Variants in MRPS35 observed in about 807,000 individuals in gnomAD.
MRPS35 encodes the protein mitochondrial ribosomal protein S35.
In MRPS35, 29 loss-of-function variants were observed where a neutral mutation model predicts 32.7. The observed-to-expected ratio is 0.89, with a 90% CI of 0.66 to 1.21. The LOEUF (loss-of-function observed/expected upper bound fraction) is 1.21. Among genes scored for constraint, MRPS35 ranks in the 50% most tolerant of loss-of-function variants. The pLI is 0.00. For missense variants in MRPS35, 373 were observed against 383.8 expected, an observed-to-expected ratio of 0.97 and a Z score of 0.23; for synonymous variants, 148 against 139.3, an observed-to-expected ratio of 1.06 and a Z score of -0.44.
intron 3 of MRPS35, among the ~76,000 whole-genome samples, chr12:27,718,029 T>C (rs1473924471): frequency 3.3e-5 from 5 of 152,224 alleles, no homozygotes; most frequent in Admixed American, 6.5e-5. Context: ...CTAGGGTTTA[T>C]AATTTTTAAA....
At chr12:27,730,651 T>C (rs752604328) in intron 5 of MRPS35, among the ~76,000 whole-genome samples, 1 of 152,066 alleles carries the variant, frequency 6.6e-6, no homozygotes, top group Admixed American at 6.6e-5. Flanking sequence ...GGTTTTGCCA[T>C]GTTGCCAGGG....
intron 7 of MRPS35, among the ~76,000 whole-genome samples, chr12:27,746,087 T>C (rs1175997136): frequency 1.3e-5 from 2 of 152,204 alleles, no homozygotes; most frequent in African/African-American, 4.8e-5. Flanking sequence ...CTACAGATGC[T>C]TAGGCCCTGC....
At chr12:27,711,161 C>T (rs945524314) in intron 1 of MRPS35, among the ~76,000 whole-genome samples, 5 of 152,228 alleles carry the variant, frequency 3.3e-5, no homozygotes, top group Admixed American at 2.0e-4. Flanking sequence ...TGTTTCTGCC[C>T]TGGGTGCTCT....
chr12:27,728,247 T>C (rs1278827379), intron 5 of MRPS35, among the ~76,000 whole-genome samples: 5 of 152,174 alleles, frequency 3.3e-5, no homozygotes, highest in African/African-American at 1.2e-4. Flanking sequence ...TTTTAACTTT[T>C]CATTTGGCTA....
At chr12:27,748,798 C>G (rs541297720) in intron 7 of MRPS35, among the ~76,000 whole-genome samples, 373 of 151,932 alleles carry the variant, frequency 2.5e-3, no homozygotes, top group Non-Finnish European at 2.7e-3. Context: ...AGCCTTCTGG[C>G]TACAAAAAAA....
chr12:27,741,155 G>A lies in MRPS35; in HGVS notation c.702+3547G>A, dbSNP rs181284096. On this transcript the variant is annotated intron_variant, in intron 7 of 7. Coordinates refer to ENST00000081029, the MANE Select transcript of MRPS35 (RefSeq NM_021821.4). ...TGCACTCCAGTCTGGGCGACAGAGT[G>A]AGACTCTGTCTCAAAAAAAAAATAA... Among the ~76,000 whole-genome samples, 3 of 151,846 alleles carry A rather than the reference G, an allele frequency of 2.0e-5. No homozygotes were observed. The East Asian group carries it at 5.8e-4, about 29-fold the overall frequency.
chr12:27,730,321 T>C (rs2061916723), intron 5 of MRPS35, among the ~76,000 whole-genome samples: 1 of 152,200 alleles, frequency 6.6e-6, no homozygotes, highest in Admixed American at 6.5e-5. Flanking sequence ...CTTAACAGTT[T>C]TGAGAAGTAC....
chr12:27,722,128 TC>T (rs1419997744), intron 4 of MRPS35, among the ~76,000 whole-genome samples: 1 of 152,226 alleles, frequency 6.6e-6, no homozygotes, highest in Non-Finnish European at 1.5e-5. Flanking sequence ...AGTGTCTTAA[TC>T]TTTCCTTAAT....
chr12:27,734,616 T>G (rs10771358), intron 5 of MRPS35, among the ~76,000 whole-genome samples: 138,774 of 152,230 alleles, frequency 0.91, 63,304 homozygotes, highest in East Asian at 1. Context: ...AAATTAAAAA[T>G]TGTGTTCATT....
rs758125252 is a variant in MRPS35 at position 27,714,810 on chromosome 12, C to G, written c.143C>G (p.Pro48Arg). 6.8e-6 allele frequency: 11 copies of G among 1,610,418 alleles called. No homozygotes were observed. Among genetic ancestry groups the G allele is most frequent in the Non-Finnish European group, 8.5e-6 (10 of 1,177,214 alleles). The change falls in exon 2 of 8, where the codon CCA (proline) becomes CGA (arginine). Residue 48 changes from proline (P) to arginine (R), a missense_variant. Coordinates refer to ENST00000081029, the MANE Select transcript of MRPS35 (RefSeq NM_021821.4). ...AGAACACCCGGAAATGAAAGGCCAC[C>G]AAGAAGAAAGGTAAAAAGTTCGTAT... Reference protein sequence around the residue: ...PERTPGNERPPRRKALPPRTE... With the variant: ...PERTPGNERPRRRKALPPRTE...
chr12:27,724,271 G>A, intron 5 of MRPS35, 85 bp downstream of exon 5: 1 of 1,247,834 alleles, frequency 8.0e-7, no homozygotes, highest in East Asian at 2.9e-5. Flanking sequence ...TGGCACAGTG[G>A]CTCATGCCTG....
intron 7 of MRPS35, among the ~76,000 whole-genome samples, chr12:27,740,863 T>C (rs544189523): frequency 6.6e-6 from 1 of 152,256 alleles, no homozygotes; most frequent in Non-Finnish European, 1.5e-5. Flanking sequence ...GAGACACATA[T>C]TCACTGGACC....
intron 5 of MRPS35, among the ~76,000 whole-genome samples, chr12:27,732,987 GATATATATAT>G (rs56932909): frequency 0.059 from 6,957 of 118,712 alleles, 282 homozygotes; most frequent in Non-Finnish European, 0.076. Context: ...GTCATTTGAA[GATATATATAT>G]ATATATATAT....
chr12:27,753,548 C>T (rs1316989440), intron 7 of MRPS35, among the ~76,000 whole-genome samples: 2 of 152,132 alleles, frequency 1.3e-5, no homozygotes, highest in Admixed American at 1.3e-4. Context: ...GCTGTCTACT[C>T]AAGCTGGAAT....
chr12:27,724,742 C>CG (rs2061892952), intron 5 of MRPS35, among the ~76,000 whole-genome samples: 1 of 148,450 alleles, frequency 6.7e-6, no homozygotes. Context: ...GATTCCATCT[C>CG]GGAAAAAAAA....
chr12:27,735,578 C>A (rs184956929), intron 6 of MRPS35, 22 bp downstream of exon 6: 7 of 1,538,840 alleles, frequency 4.5e-6, no homozygotes, highest in Admixed American at 1.7e-5. Flanking sequence ...AATGTTCAGC[C>A]GACTGGTCAC....
intron 7 of MRPS35, among the ~76,000 whole-genome samples, chr12:27,740,211 T>A (rs183715882): frequency 5.9e-4 from 89 of 152,072 alleles, no homozygotes; most frequent in African/African-American, 2.0e-3. Context: ...CATTGCTTGA[T>A]TTTTTTTATA....
chr12:27,735,587 ACGT>A, intron 6 of MRPS35, 31 bp downstream of exon 6: 1 of 1,506,186 alleles, frequency 6.6e-7, no homozygotes, highest in Non-Finnish European at 9.2e-7. Flanking sequence ...CCGACTGGTC[ACGT>A]GTGTTTCCTC....
chr12:27,727,508 GGTGT>G (rs2140764150), intron 5 of MRPS35, among the ~76,000 whole-genome samples: 1 of 152,178 alleles, frequency 6.6e-6, no homozygotes, highest in African/African-American at 2.4e-5. Context: ...ATGTAGTCTA[GGTGT>G]GTAGTAGGCT....
Sources: gnomAD v4.1 joint callset for allele counts (sites outside exome capture counted in the v4.1 genomes callset) on GRCh38, gnomAD v4.1.1 for gene constraint, MANE v1.5 for transcripts, NCBI Gene and HGNC (gene_info 2026-07-23, HGNC 2026-07-21) for gene names.